The following LTBP2 variants were observed in gnomAD, a reference collection of about 807,000 sequenced individuals.
LTBP2 encodes the protein latent-transforming growth factor beta-binding protein 2.
LTBP2 carries 103 observed loss-of-function variants against 210.6 expected under a neutral mutation model. The observed-to-expected ratio is 0.49, with a 90% CI of 0.42 to 0.58. LTBP2 has a LOEUF of 0.58. Ranked by LOEUF, LTBP2 falls within the 20% of genes least tolerant of loss-of-function variation. The probability of loss-of-function intolerance (pLI) is 0.00; values close to 1 mark genes in which losing one functional copy is unlikely to be tolerated. For synonymous variants in LTBP2, 1,007 were observed against 1,015.0 expected (o/e 0.99, Z 0.15); for missense variants, 2,313 against 2,494.5 (o/e 0.93, Z 1.55).
At chr14:74,528,819 A>G in intron 11 of LTBP2, 121 bp from the exon 12 acceptor site, 1 of 1,507,684 alleles carries the variant, frequency 6.6e-7, no homozygotes, top group African/African-American at 1.4e-5. Flanking sequence ...AGGGAGCCCC[A>G]GGTTGGGATA....
At position 74,503,472 on chromosome 14, in the gene LTBP2, T is replaced by C; in HGVS notation, c.4717A>G (p.Thr1573Ala). ...CCCCACGCTCAGGCCCACTCACCCG[T>C]GCTGCTGGTGCTGTTCATGCAGCGC... ...QQRCMNSTSS[T>A]EDLPDHDIHM... The change falls in exon 32 of 36, where the codon ACG becomes GCG. Residue 1573 changes from threonine (T) to alanine (A), a missense_variant. This residue lies in a region of LTBP2 where 443 missense variants were observed against 501.4 expected (regional missense o/e 0.88). Coordinates refer to ENST00000261978, the MANE Select transcript of LTBP2 (RefSeq NM_000428.3). 1 of 1,611,236 alleles carries C rather than the reference T, an allele frequency of 6.2e-7. No individual in the cohort carries two copies. The highest frequency in any genetic ancestry group is 2.2e-5 in the East Asian group (1 of 44,810).
At chr14:74,565,168 C>G (rs1287273085) in intron 3 of LTBP2, among the ~76,000 whole-genome samples, 1 of 152,162 alleles carries the variant, frequency 6.6e-6, no homozygotes, top group African/African-American at 2.4e-5. Context: ...GCACTGACCC[C>G]AGGGATGGCA....
In LTBP2 at chr14:74,586,200, C is replaced by T. The variant is rs574225891; in HGVS notation, c.566-82G>A. 1,398 of 1,464,276 alleles carry T rather than the reference C, an allele frequency of 9.5e-4. 3 individuals carry two copies. The highest frequency in any genetic ancestry group is 1.1e-3 in the Non-Finnish European group (1,202 of 1,081,700). 90.7% of individuals were successfully genotyped at this position (1,464,276 alleles called of 1,614,324 possible). A position where few individuals can be genotyped will look rare whatever the true frequency, so the allele number is the denominator to read the frequency against. ...TGCCCACACCTTCCTGTCAGAAGGGCCCTCCTGAGTGCTGCAACCCTGTCG... is the reference window on the plus strand; with the variant it reads ...TGCCCACACCTTCCTGTCAGAAGGGTCCTCCTGAGTGCTGCAACCCTGTCG... On this transcript the variant is annotated intron_variant, in intron 2 of 35. Coordinates refer to ENST00000261978, the MANE Select transcript of LTBP2 (RefSeq NM_000428.3). This position sits in a 1 kb window ranked among gnomAD's most constrained non-coding sequence, Gnocchi z 4.6.
intron 31 of LTBP2, 115 bp from the exon 32 acceptor site, chr14:74,503,721 C>G (rs1340619852): frequency 8.9e-6 from 13 of 1,452,688 alleles, no homozygotes; most frequent in Non-Finnish European, 1.2e-5. Context: ...GCCTCCCTCC[C>G]CTCAACCCAG....
chr14:74,498,728 G>A lies in LTBP2; in HGVS notation c.*2156C>T, dbSNP rs539604468. On this transcript the variant is annotated 3_prime_UTR_variant, in exon 36 of 36. Transcript: ENST00000261978. The stretch of plus-strand genomic sequence containing the variant: ...TTGGGGGATGGTAAGTTCTCCGATG[G>A]TGAGGTATAAGGCGGAGTGGCAAGG... 4 of 232,396 alleles carry A rather than the reference G, an allele frequency of 1.7e-5. No individual in the cohort carries two copies. The East Asian group carries it at 2.4e-4, about 14-fold the overall frequency. The allele number at this position is 232,396 out of a possible 1,614,324, so 14.4% of individuals were successfully genotyped here. A position where few individuals can be genotyped will look rare whatever the true frequency, so the allele number is the denominator to read the frequency against.
In LTBP2 at chr14:74,522,030, T is replaced by A. The variant is rs1250116866; in HGVS notation, c.2669A>T (p.Glu890Val). 2 of 1,612,858 alleles carry A rather than the reference T, an allele frequency of 1.2e-6. No homozygotes were observed. Among genetic ancestry groups the A allele is most frequent in the Non-Finnish European group, 1.7e-6 (2 of 1,179,420 alleles). The change falls in exon 17 of 36, where the codon GAG becomes GTG. Residue 890 changes from glutamate to valine, a missense_variant. By Grantham distance (121) the Glu-to-Val change is moderately radical. This residue lies in a region of LTBP2 where 1,867 missense variants were observed against 1,976.9 expected (regional missense o/e 0.94). Coordinates refer to ENST00000261978, the MANE Select transcript of LTBP2 (RefSeq NM_000428.3). ...TCCCTTGCAGGGGTCCCTCAGACACTCGTTGTCATCTGACCAGAAGAAGGC... is the reference window on the plus strand; with the variant it reads ...TCCCTTGCAGGGGTCCCTCAGACACACGTTGTCATCTGACCAGAAGAAGGC... The part of the protein sequence containing the change: ...PSQAYCTDDN[E>V]CLRDPCKGKG...
At chr14:74,509,597 A>G in intron 21 of LTBP2, 137 bp downstream of exon 21, 1 of 1,313,200 alleles carries the variant, frequency 7.6e-7, no homozygotes. Flanking sequence ...TGTTGGGGCC[A>G]GGTCCATTTA....
chr14:74,599,456 A>G (rs997117328), intron 2 of LTBP2, among the ~76,000 whole-genome samples: 5 of 152,352 alleles, frequency 3.3e-5, no homozygotes, highest in Middle Eastern at 3.4e-3. Context: ...AAGAATGGAC[A>G]GTCTTCCAAA....
chr14:74,611,924 G>C lies in LTBP2; in HGVS notation c.21C>G (p.Ala7=), dbSNP rs757559806. The change falls in exon 1 of 36, where the codon GCC becomes GCG. Residue 7 remains alanine, a synonymous_variant. Coordinates refer to ENST00000261978, the MANE Select transcript of LTBP2 (RefSeq NM_000428.3). The stretch of plus-strand genomic sequence containing the variant: ...TCCGCAGGGCGCGCCCCGGGCTGCG[G>C]GCTTTGGTCCGCGGCCTCATGGCGC... MRPRTK[A]RSPGRALRNP... is the part of the protein sequence containing the mutation. 2.0e-4 allele frequency: 310 copies of C among 1,587,368 alleles called. No homozygotes were observed. The highest frequency in any genetic ancestry group is 5.4e-4 in the South Asian group (48 of 89,478).
rs1255179313 is a variant in LTBP2, at chr14:74,586,601, T to G, written c.566-483A>C. Among the ~76,000 whole-genome samples the G allele has an allele frequency of 6.6e-6, 1 of 152,190 alleles. No individual in the cohort carries two copies. The highest frequency in any genetic ancestry group is 1.5e-5 in the Non-Finnish European group (1 of 68,034). On this transcript the variant is annotated intron_variant, in intron 2 of 35. Transcript: ENST00000261978. The surrounding 1 kb of genome is among the most constrained non-coding windows in gnomAD (Gnocchi z 4.6). ...ACACTGGCCTGAAATTCAAGCGGTT[T>G]GAGTTGCTGGGGTTTTCCTGTCACT...
chr14:74,504,159 C>T lies in LTBP2; in HGVS notation c.4454-105G>A. On this transcript the variant is annotated intron_variant, in intron 30 of 35. Transcript: ENST00000261978. ...CTGGGTTTGAATCCCAGCTCTGCCA[C>T]TTACTAGGTGGCTTTGGGCAAGTTG... 2.8e-6 allele frequency: 4 copies of T among 1,451,822 alleles called. No individual in the cohort carries two copies. The South Asian group carries it at 4.8e-5, about 18-fold the overall frequency. The allele number at this position is 1,451,822 out of a possible 1,614,324, so 89.9% of individuals were successfully genotyped here. A position where few individuals can be genotyped will look rare whatever the true frequency, so the allele number is the denominator to read the frequency against.
At chr14:74,509,198 G>C (rs2087035533) in intron 22 of LTBP2, 40 bp downstream of exon 22, 1 of 1,612,958 alleles carries the variant, frequency 6.2e-7, no homozygotes, top group African/African-American at 1.3e-5. Flanking sequence ...TGACAGAGGG[G>C]GCATCCCATT....
intron 3 of LTBP2, among the ~76,000 whole-genome samples, chr14:74,564,671 C>G (rs549139165): frequency 6.6e-6 from 1 of 151,826 alleles, no homozygotes; most frequent in African/African-American, 2.4e-5. Context: ...GTGTGAGCCA[C>G]CAGGCCCAGC....
Position 74,509,433 on chromosome 14 carries a change from C to G in LTBP2, c.3278-70G>C. ...CTCCCCAGGCAATGCAGGAACCTCA[C>G]CGTGGCTTCCCTCTCTGAGCCCCTG... On this transcript the variant is annotated intron_variant, in intron 21 of 35. Coordinates refer to ENST00000261978, the MANE Select transcript of LTBP2 (RefSeq NM_000428.3). The G allele has an allele frequency of 2.5e-6, 4 of 1,603,986 alleles. No homozygotes were observed. The South Asian group carries it at 4.4e-5, about 18-fold the overall frequency.
In LTBP2 at chr14:74,511,322, C is replaced by G; in HGVS notation, c.2951G>C (p.Arg984Thr). Residue 984 changes from arginine (R) to threonine (T), a missense_variant, in exon 19 of 36, where the codon AGA (arginine) becomes ACA (threonine). This residue lies in a region of LTBP2 where 1,867 missense variants were observed against 1,976.9 expected (regional missense o/e 0.94). Transcript: ENST00000261978. Reference protein sequence around the residue: ...CRHPGTCPDGRCVNSPGSYTC... With the variant: ...CRHPGTCPDGTCVNSPGSYTC... ...GTAGGAGCCAGGGGAATTGACGCAT[C>G]TCCCATCAGGGCAGGTACCGGGGTG... 6.2e-7 allele frequency: 1 copy of G among 1,614,140 alleles called. No individual in the cohort carries two copies. Among genetic ancestry groups the G allele is most frequent in the East Asian group, 2.2e-5 (1 of 44,882 alleles).
chr14:74,528,410 C>A, intron 12 of LTBP2, 73 bp downstream of exon 12: 1 of 1,543,732 alleles, frequency 6.5e-7, no homozygotes, highest in Non-Finnish European at 8.9e-7. Flanking sequence ...AGGATTAACA[C>A]CCACACTTCT....
At chr14:74,554,237 C>G (rs1477575805) in intron 4 of LTBP2, among the ~76,000 whole-genome samples, 1 of 152,116 alleles carries the variant, frequency 6.6e-6, no homozygotes, top group African/African-American at 2.4e-5. Context: ...CAGGAACTCA[C>G]GCCTGCAGTC....
In LTBP2 at chr14:74,500,089, G is replaced by C; in HGVS notation, c.*795C>G. ...TATCCCATGGCAGCCCTTGCTGCTG[G>C]TGCCCACAGGCTATCACTGGGCGGA... On this transcript the variant is annotated 3_prime_UTR_variant, in exon 36 of 36. Transcript: ENST00000261978. 1 of 233,076 alleles carries C rather than the reference G, an allele frequency of 4.3e-6. No individual in the cohort carries two copies. The highest frequency in any genetic ancestry group is 1.3e-3 in the Middle Eastern group (1 of 784). The allele number at this position is 233,076 out of a possible 1,614,324, so 14.4% of individuals were successfully genotyped here. A position where few individuals can be genotyped will look rare whatever the true frequency, so the allele number is the denominator to read the frequency against.
At chr14:74,573,494 C>G (rs898420278) in intron 3 of LTBP2, among the ~76,000 whole-genome samples, 1 of 152,220 alleles carries the variant, frequency 6.6e-6, no homozygotes, top group African/African-American at 2.4e-5. Context: ...CCAGCTCCCT[C>G]GCAACAGGTA....
Sources: allele counts gnomAD v4.1 joint callset (sites outside exome capture counted in the v4.1 genomes callset), GRCh38; gene constraint gnomAD v4.1.1; regional missense constraint gnomAD v4.1.1; non-coding constraint Gnocchi (gnomAD v3.1); transcripts MANE v1.5; gene names NCBI Gene and HGNC (gene_info 2026-07-23, HGNC 2026-07-21).